Variants in TENM4 observed in about 807,000 individuals in gnomAD.
TENM4 encodes teneurin transmembrane protein 4.
A neutral mutation model predicts 243.3 loss-of-function variants in TENM4; 82 were observed. The observed-to-expected ratio is 0.34, with a 90% confidence interval of 0.28 to 0.40. The LOEUF is 0.40. Ranked by LOEUF, TENM4 falls within the 10% of genes least tolerant of loss-of-function variation. The pLI, the probability that TENM4 is intolerant of heterozygous loss-of-function variation, is 1.00. For missense variants in TENM4, 3,138 were observed against 3,673.3 expected (o/e 0.85, Z 3.77); for synonymous variants, 1,412 against 1,456.3 (o/e 0.97, Z 0.69).
chr11:78,889,233 G>C (rs1855610063), intron 9 of TENM4, among the ~76,000 whole-genome samples: 1 of 152,134 alleles, frequency 6.6e-6, no homozygotes, highest in African/African-American at 2.4e-5. Context: ...GAATTTCCCT[G>C]GGTTCCTGAC....
At chr11:79,185,648 A>G (rs1863368226) in intron 3 of TENM4, among the ~76,000 whole-genome samples, 1 of 152,192 alleles carries the variant, frequency 6.6e-6, no homozygotes, top group Admixed American at 6.5e-5. Context: ...CATTGCTTGG[A>G]CCACATGAAA....
chr11:78,669,935 G>T lies in TENM4; in HGVS notation c.6410C>A (p.Ala2137Asp). ...AAAATGCTTGGTGTGGGTCATGACA[G>T]CTGTGGTGATGATCTGGTTAATGTC... ...YYDINQIITT[A>D]VMTHTKHFDA... Residue 2137 changes from alanine (A) to aspartate (D), a missense_variant, in exon 32 of 34, where the codon GCT becomes GAT. By Grantham distance (126) the Ala-to-Asp change is moderately radical. Coordinates refer to ENST00000278550, the MANE Select transcript of TENM4 (RefSeq NM_001098816.3). The surrounding 1 kb of genome is among the most constrained non-coding windows in gnomAD (Gnocchi z 6.4). 1 of 1,613,846 alleles carries T rather than the reference G, an allele frequency of 6.2e-7. No homozygotes were observed. The highest frequency in any genetic ancestry group is 1.1e-5 in the South Asian group (1 of 91,038).
intron 4 of TENM4, among the ~76,000 whole-genome samples, chr11:79,106,851 G>A (rs1187609440): frequency 6.6e-6 from 1 of 152,202 alleles, no homozygotes. Flanking sequence ...GAGCTATAAT[G>A]TAAGTAGATT....
intron 1 of TENM4, among the ~76,000 whole-genome samples, chr11:79,380,582 G>A (rs949760333): frequency 4.6e-5 from 7 of 152,170 alleles, no homozygotes; most frequent in Admixed American, 1.3e-4. Context: ...GGGAAAAGCT[G>A]GCTTATTATA....
At chr11:78,805,211 G>T in intron 15 of TENM4, 81 bp downstream of exon 15, 3 of 652,682 alleles carry the variant, frequency 4.6e-6, no homozygotes, top group Non-Finnish European at 4.2e-6. Flanking sequence ...CTACGTGATT[G>T]GGAACAGTCA....
rs1565317595 is a variant in TENM4, at chr11:78,658,640, A to C, written c.7728T>G (p.Asp2576Glu). The C allele has an allele frequency of 6.2e-7, 1 of 1,614,078 alleles. No homozygotes were observed. The part of the protein sequence containing the change: ...FGKGVKFALK[D>E]GRVTTDIISV... ...TGATGATGTCTGTGGTCACTCGGCC[A>C]TCCTTCAAGGCAAACTTGACCCCCT... The change falls in exon 34 of 34, where the codon GAT (aspartate) becomes GAG (glutamate). Residue 2576 changes from aspartate (D) to glutamate (E), a missense_variant. Physicochemically the swap from Asp to Glu is conservative, Grantham distance 45. Coordinates refer to ENST00000278550, the MANE Select transcript of TENM4 (RefSeq NM_001098816.3).
chr11:79,203,828 T>C (rs1863794342), intron 3 of TENM4, among the ~76,000 whole-genome samples: 1 of 152,202 alleles, frequency 6.6e-6, no homozygotes, highest in African/African-American at 2.4e-5. Context: ...TCTCCCAAAA[T>C]ATCTTATTGT....
At chr11:78,925,262 G>A (rs779443955) in intron 6 of TENM4, among the ~76,000 whole-genome samples, 8 of 151,846 alleles carry the variant, frequency 5.3e-5, no homozygotes, top group Non-Finnish European at 1.0e-4. Flanking sequence ...CTGGTGATGG[G>A]AAATGCACAA....
intron 6 of TENM4, among the ~76,000 whole-genome samples, chr11:79,017,277 G>A (rs971927576): frequency 2.6e-5 from 4 of 152,148 alleles, no homozygotes; most frequent in Non-Finnish European, 4.4e-5. Flanking sequence ...TAAAAGAGGC[G>A]GAGGCTGGAG....
In TENM4 at chr11:78,670,077, G is replaced by A. The variant is rs753869062; in HGVS notation, c.6268C>T (p.Arg2090Trp). ...ATCACAGCCTGCATGCTGGTCACCC[G>A]GAAGCTGTTGTCATAGTTGTAGTCA... is the stretch of plus-strand genomic sequence containing the variant. ...RFDYNYDNSF[R>W]VTSMQAVINE... The change falls in exon 32 of 34, where the codon CGG (arginine) becomes TGG (tryptophan). Residue 2090 changes from arginine to tryptophan, a missense_variant. By Grantham distance (101) the Arg-to-Trp change is moderately radical. This residue lies in a region of TENM4 where 2,467 missense variants were observed against 3,059.1 expected (regional missense o/e 0.81). Coordinates refer to ENST00000278550, the MANE Select transcript of TENM4 (RefSeq NM_001098816.3). The A allele has an allele frequency of 6.2e-6, 10 of 1,613,944 alleles. No homozygotes were observed. Among genetic ancestry groups the A allele is most frequent in the Admixed American group, 3.3e-5 (2 of 60,020 alleles).
At chr11:78,837,665 T>C (rs1365545468) in intron 12 of TENM4, among the ~76,000 whole-genome samples, 1 of 152,216 alleles carries the variant, frequency 6.6e-6, no homozygotes, top group African/African-American at 2.4e-5. Context: ...GTTCAAACTC[T>C]ACCTCTAAAT....
intron 6 of TENM4, among the ~76,000 whole-genome samples, chr11:78,936,961 A>T (rs1452459554): frequency 6.6e-6 from 1 of 152,196 alleles, no homozygotes. Flanking sequence ...GGGTTAATTA[A>T]GGAACTTGAT....
rs1335431557 is a variant in TENM4 at position 78,656,022 on chromosome 11, T to C, written c.*2036A>G. ...GCACTGCTGCAGCAGGGTGGCTTTT[T>C]TTTTGGAAACAGGAAGAGCACTTAG... On this transcript the variant is annotated 3_prime_UTR_variant, in exon 34 of 34. Transcript: ENST00000278550. 6.6e-6 allele frequency: 1 copy of C among 152,176 alleles called. No individual in the cohort carries two copies. Among genetic ancestry groups the C allele is most frequent in the African/African-American group, 2.4e-5 (1 of 41,442 alleles). The allele number at this position is 152,176 out of a possible 1,614,324, so 9.4% of individuals were successfully genotyped here.
In TENM4 at chr11:78,670,195, G is replaced by A. The variant is rs1040336955; in HGVS notation, c.6150C>T (p.Gly2050=). Residue 2050 remains glycine, a synonymous_variant, in exon 32 of 34, where the codon GGC becomes GGT. Transcript: ENST00000278550. ...GACGGTAGCGGATGGTGCAGGTGAA[G>A]CCCTCATTCTGTAGGTTGATGGTCT... is the stretch of plus-strand genomic sequence containing the variant. The part of the protein sequence containing the change: ...MLKTINLQNE[G]FTCTIRYRQI... 5 of 1,613,944 alleles carry A rather than the reference G, an allele frequency of 3.1e-6. No homozygotes were observed. Among genetic ancestry groups the A allele is most frequent in the Non-Finnish European group, 4.2e-6 (5 of 1,179,874 alleles).
chr11:79,355,793 C>A (rs75014682), intron 1 of TENM4, among the ~76,000 whole-genome samples: 58 of 152,278 alleles, frequency 3.8e-4, no homozygotes, highest in African/African-American at 1.4e-3. Flanking sequence ...CAGCCAAAGT[C>A]ATATAGCTAG....
intron 2 of TENM4, among the ~76,000 whole-genome samples, chr11:79,216,230 G>T (rs373997374): frequency 2.1e-4 from 32 of 152,314 alleles, no homozygotes; most frequent in African/African-American, 7.2e-4. Flanking sequence ...ACTGAAGCTT[G>T]CAGGACAGGG....
chr11:79,176,618 A>G (rs1314931328), intron 3 of TENM4, among the ~76,000 whole-genome samples: 1 of 152,144 alleles, frequency 6.6e-6, no homozygotes, highest in Non-Finnish European at 1.5e-5. Flanking sequence ...TTACTCCTTC[A>G]TTTTTTAGTC....
At chr11:78,838,391 T>C (rs1308416434) in intron 12 of TENM4, among the ~76,000 whole-genome samples, 2 of 139,646 alleles carry the variant, frequency 1.4e-5, no homozygotes, top group Non-Finnish European at 3.0e-5. Flanking sequence ...TTATAAGACA[T>C]GTGGAAATTT....
At chr11:78,670,647 A>G in intron 31 of TENM4, 96 bp from the exon 32 acceptor site, 1 of 1,233,456 alleles carries the variant, frequency 8.1e-7, no homozygotes, top group Non-Finnish European at 1.1e-6. Context: ...ATGAATGTCC[A>G]AGGAGAATCC....
Sources: allele counts gnomAD v4.1 joint callset (sites outside exome capture counted in the v4.1 genomes callset), GRCh38; gene constraint gnomAD v4.1.1; regional missense constraint gnomAD v4.1.1; non-coding constraint Gnocchi (gnomAD v3.1); transcripts MANE v1.5; gene names NCBI Gene and HGNC (gene_info 2026-07-23, HGNC 2026-07-21).